Variants in RAD51B observed in about 807,000 individuals in gnomAD.
The protein encoded by RAD51B is RAD51 paralog B.
In RAD51B, 38 loss-of-function variants were observed where a neutral mutation model predicts 42.2. The observed-to-expected ratio is 0.90, with a 90% CI of 0.70 to 1.18. The LOEUF (loss-of-function observed/expected upper bound fraction) is 1.18. Ranked by LOEUF, RAD51B falls within the 50% of genes most tolerant of loss-of-function variation. The pLI is 0.00. For missense variants in RAD51B, 373 were observed against 400.7 expected, an observed-to-expected ratio of 0.93 and a Z score of 0.59; for synonymous variants, 154 against 145.2, an observed-to-expected ratio of 1.06 and a Z score of -0.43.
chr14:68,183,285 T>C (rs1479577134), intron 7 of RAD51B, among the ~76,000 whole-genome samples: 1 of 152,186 alleles, frequency 6.6e-6, no homozygotes, highest in Non-Finnish European at 1.5e-5. Flanking sequence ...GGCAAATCAC[T>C]GGTGTAAGTC....
intron 7 of RAD51B, among the ~76,000 whole-genome samples, chr14:68,064,134 C>T (rs1232215645): frequency 6.6e-6 from 1 of 152,160 alleles, no homozygotes; most frequent in Non-Finnish European, 1.5e-5. Context: ...CTTGTAATGC[C>T]AGCCTAGTGG....
intron 9 of RAD51B, among the ~76,000 whole-genome samples, 195 bp from the exon 10 acceptor site, chr14:68,467,972 CATACA>C: frequency 6.6e-6 from 1 of 151,634 alleles, no homozygotes; most frequent in Non-Finnish European, 1.5e-5. Context: ...TTGGAATAAG[CATACA>C]GCCTTTTAAG....
intron 7 of RAD51B, among the ~76,000 whole-genome samples, chr14:68,045,236 CAAAAAAAAAAA>C (rs537073885): frequency 2.7e-4 from 6 of 22,080 alleles, no homozygotes; most frequent in African/African-American, 3.6e-4. Context: ...AACTCTGTCT[CAAAAAAAAAAA>C]AAAAAAAAAA....
chr14:68,102,683 G>GTTTTTC (rs2140556742), intron 7 of RAD51B, among the ~76,000 whole-genome samples: 2 of 152,060 alleles, frequency 1.3e-5, no homozygotes, highest in South Asian at 4.1e-4. Context: ...AATATCCTAC[G>GTTTTTC]TTTTTCTTTC....
chr14:68,581,040 T>C (rs1890186312), intron 10 of RAD51B, among the ~76,000 whole-genome samples: 1 of 152,188 alleles, frequency 6.6e-6, no homozygotes, highest in Non-Finnish European at 1.5e-5. Context: ...GAATTGCAAC[T>C]GTAATGTAGG....
At chr14:68,189,376 AT>A (rs937835439) in intron 7 of RAD51B, among the ~76,000 whole-genome samples, 6 of 152,038 alleles carry the variant, frequency 3.9e-5, no homozygotes, top group African/African-American at 9.7e-5. Flanking sequence ...ATTAACAAGT[AT>A]TTTTTTGTAG....
exon 11 of RAD51B, chr14:68,594,992 G>A (rs570156843): frequency 9.7e-5 from 105 of 1,077,408 alleles, no homozygotes; most frequent in Non-Finnish European, 9.0e-6. Flanking sequence ...TGAATTTCTT[G>A]AGGCTGAGAC....
chr14:67,835,281 A>G, intron 4 of RAD51B, 85 bp downstream of exon 4: 1 of 976,534 alleles, frequency 1.0e-6, no homozygotes, highest in Non-Finnish European at 1.6e-6. Flanking sequence ...AACATAAATT[A>G]TTTCTGGAAC....
intron 4 of RAD51B, among the ~76,000 whole-genome samples, chr14:67,840,520 T>C (rs2041390476): frequency 6.6e-6 from 1 of 152,254 alleles, no homozygotes; most frequent in Non-Finnish European, 1.5e-5. Flanking sequence ...ATTTTCTTTA[T>C]CTACTCTACC....
chr14:68,362,298 AAT>A (rs1566833397), intron 8 of RAD51B, among the ~76,000 whole-genome samples: 1 of 152,192 alleles, frequency 6.6e-6, no homozygotes, highest in Admixed American at 6.5e-5. Context: ...AGCCAAGAAA[AAT>A]ATGTTAATTA....
At chr14:68,295,360 A>G (rs2081592795) in intron 8 of RAD51B, among the ~76,000 whole-genome samples, 1 of 152,164 alleles carries the variant, frequency 6.6e-6, no homozygotes. Context: ...TGGGGCGGGG[A>G]GACCCAGCAA....
chr14:68,561,038 G>A (rs1214581230), intron 10 of RAD51B, among the ~76,000 whole-genome samples: 3 of 152,150 alleles, frequency 2.0e-5, no homozygotes. Flanking sequence ...GTTTTTGCCA[G>A]GGCCATCACC....
chr14:67,855,520 T>G (rs1029969004), intron 4 of RAD51B, among the ~76,000 whole-genome samples: 3 of 151,866 alleles, frequency 2.0e-5, no homozygotes, highest in South Asian at 4.2e-4. Flanking sequence ...GATTATAGGC[T>G]TGAGCCACCG....
At chr14:68,301,197 G>A (rs956813736) in intron 8 of RAD51B, among the ~76,000 whole-genome samples, 18 of 152,122 alleles carry the variant, frequency 1.2e-4, no homozygotes, top group Admixed American at 1.0e-3. Context: ...TCCTGGCACT[G>A]TCATCTCCAG....
At chr14:68,143,840 C>G (rs1393131735) in intron 7 of RAD51B, among the ~76,000 whole-genome samples, 1 of 152,186 alleles carries the variant, frequency 6.6e-6, no homozygotes, top group Non-Finnish European at 1.5e-5. Context: ...CCAACCGTCA[C>G]TTTTACCTGG....
chr14:68,519,845 A>C (rs1368365111), intron 10 of RAD51B, among the ~76,000 whole-genome samples: 1 of 152,230 alleles, frequency 6.6e-6, no homozygotes, highest in African/African-American at 2.4e-5. Context: ...TTTGTAAAGC[A>C]AAGACCTTGT....
At chr14:68,137,758 CA>C (rs2078040758) in intron 7 of RAD51B, among the ~76,000 whole-genome samples, 2 of 152,192 alleles carry the variant, frequency 1.3e-5, no homozygotes, top group African/African-American at 4.8e-5. Context: ...CAGTCTATTT[CA>C]AAACTACTGA....
At chr14:68,602,894 C>G (rs573408140) in intron 10 of RAD51B, among the ~76,000 whole-genome samples, 1 of 152,206 alleles carries the variant, frequency 6.6e-6, no homozygotes, top group African/African-American at 2.4e-5. Context: ...AAACATTGCT[C>G]TCACCACAAT....
chr14:68,124,497 T>G (rs1446226034), intron 7 of RAD51B, among the ~76,000 whole-genome samples: 1 of 152,254 alleles, frequency 6.6e-6, no homozygotes, highest in Non-Finnish European at 1.5e-5. Context: ...CATAGAATAA[T>G]TCTTCCTTAA....
Sources: allele counts gnomAD v4.1 joint callset (sites outside exome capture counted in the v4.1 genomes callset), GRCh38; gene constraint gnomAD v4.1.1; transcripts MANE v1.5; gene names NCBI Gene and HGNC (gene_info 2026-07-23, HGNC 2026-07-21).